The following ADK variants were observed in gnomAD, a reference collection of about 807,000 sequenced individuals.
ADK encodes the protein N6,N6-dimethyladenosine kinase.
ADK carries 24 observed loss-of-function variants against 44.7 expected under a neutral mutation model. The ratio of observed to expected loss-of-function variants is 0.54; its 90% confidence interval spans 0.39 to 0.76. ADK has a LOEUF of 0.76. Among genes scored for constraint, ADK ranks in the 30% least tolerant of loss-of-function variants. The pLI, the probability that ADK is intolerant of heterozygous loss-of-function variation, is 0.00. For synonymous variants in ADK, 128 were observed against 142.6 expected (o/e 0.90, Z 0.73); for missense variants, 321 against 425.1 (o/e 0.76, Z 2.15).
intron 6 of ADK, among the ~76,000 whole-genome samples, chr10:74,497,266 T>C (rs1460863079): frequency 3.9e-5 from 6 of 152,250 alleles, no homozygotes; most frequent in African/African-American, 1.4e-4. Context: ...TGTGGTACTT[T>C]TCCTTTTTTC....
intron 6 of ADK, among the ~76,000 whole-genome samples, chr10:74,522,941 A>G (rs1456775927): frequency 1.3e-5 from 2 of 152,002 alleles, no homozygotes; most frequent in Non-Finnish European, 2.9e-5. Context: ...TTAAAAGCAA[A>G]TCTCTTCTTT....
At chr10:74,594,684 A>C (rs1258814145) in intron 8 of ADK, among the ~76,000 whole-genome samples, 1 of 152,062 alleles carries the variant, frequency 6.6e-6, no homozygotes, top group Non-Finnish European at 1.5e-5. Flanking sequence ...AAAAAAAAAA[A>C]AAGAATGAAG....
chr10:74,356,128 C>T (rs1019864852), intron 4 of ADK, among the ~76,000 whole-genome samples: 2 of 148,804 alleles, frequency 1.3e-5, no homozygotes, highest in African/African-American at 5.0e-5. Flanking sequence ...ACGCCATTCT[C>T]CTGCCTCAGC....
At chr10:74,162,836 C>A (rs1417474468) in intron 1 of ADK, among the ~76,000 whole-genome samples, 1 of 152,122 alleles carries the variant, frequency 6.6e-6, no homozygotes, top group Non-Finnish European at 1.5e-5. Flanking sequence ...AGCTACCACG[C>A]CTGTCCCCAG....
chr10:74,513,111 G>A (rs1044520048), intron 6 of ADK, among the ~76,000 whole-genome samples: 2 of 152,006 alleles, frequency 1.3e-5, no homozygotes, highest in Non-Finnish European at 2.9e-5. Flanking sequence ...ACGCCATTGT[G>A]TTCAGATAAG....
chr10:74,440,572 A>G (rs1225143097), intron 6 of ADK, among the ~76,000 whole-genome samples: 3 of 152,160 alleles, frequency 2.0e-5, no homozygotes, highest in Non-Finnish European at 2.9e-5. Flanking sequence ...ATGATCTACC[A>G]TTATGTTCAT....
chr10:74,230,472 A>G (rs1412374057), intron 3 of ADK, among the ~76,000 whole-genome samples: 1 of 146,448 alleles, frequency 6.8e-6, no homozygotes, highest in Non-Finnish European at 1.5e-5. Context: ...CTAAGTATAT[A>G]GTCTTTTTTT....
At chr10:74,185,521 A>T (rs1039538605) in intron 1 of ADK, among the ~76,000 whole-genome samples, 8 of 144,808 alleles carry the variant, frequency 5.5e-5, no homozygotes, top group African/African-American at 1.3e-4. Flanking sequence ...CAACAATATA[A>T]TTTTTTTTTT....
chr10:74,670,916 A>C (rs2134198729), intron 10 of ADK, among the ~76,000 whole-genome samples: 1 of 152,134 alleles, frequency 6.6e-6, no homozygotes, highest in South Asian at 2.1e-4. Context: ...CTTCTAGTTA[A>C]GTGTAGTTAA....
chr10:74,612,099 G>A (rs1475305345), intron 9 of ADK, among the ~76,000 whole-genome samples: 3 of 152,056 alleles, frequency 2.0e-5, no homozygotes, highest in African/African-American at 7.2e-5. Context: ...CCAACAGTAT[G>A]TGTTTCCTTT....
intron 7 of ADK, among the ~76,000 whole-genome samples, chr10:74,562,973 G>C (rs1850514942): frequency 6.6e-6 from 1 of 152,038 alleles, no homozygotes; most frequent in Admixed American, 6.6e-5. Context: ...TTTTGGTTTG[G>C]TTTTCACTTA....
In ADK at chr10:74,483,744, G is replaced by A. The variant is rs563318115; in HGVS notation, c.556-41512G>A. On this transcript the variant is annotated intron_variant, in intron 6 of 10. Coordinates refer to ENST00000539909, the MANE Select transcript of ADK (RefSeq NM_006721.4). ...ATAAATCATCTCTCTCAAGTTCAAAGTTCCACATTTCCCTAAAGAAGGAGC... is the reference window on the plus strand; with the variant it reads ...ATAAATCATCTCTCTCAAGTTCAAAATTCCACATTTCCCTAAAGAAGGAGC... Among the ~76,000 whole-genome samples, 322 of 152,280 alleles carry A rather than the reference G, an allele frequency of 2.1e-3. 2 individuals carry two copies. Among genetic ancestry groups the A allele is most frequent in the African/African-American group, 7.3e-3 (302 of 41,548 alleles).
At chr10:74,388,186 C>T (rs1843210482) in intron 4 of ADK, among the ~76,000 whole-genome samples, 1 of 152,178 alleles carries the variant, frequency 6.6e-6, no homozygotes, top group African/African-American at 2.4e-5. Context: ...GGATTACAGG[C>T]GTGAGCCACT....
At chr10:74,644,624 C>T (rs1853993935) in intron 9 of ADK, among the ~76,000 whole-genome samples, 3 of 152,156 alleles carry the variant, frequency 2.0e-5, no homozygotes, top group South Asian at 4.1e-4. Flanking sequence ...ACCTCGAACT[C>T]CTGGGCTGGA....
At chr10:74,532,919 CAAAAAAAAAA>C (rs35774493) in intron 7 of ADK, among the ~76,000 whole-genome samples, 33 of 75,534 alleles carry the variant, frequency 4.4e-4, no homozygotes, top group South Asian at 2.0e-3. Context: ...GACTCTGTCT[CAAAAAAAAAA>C]AAAAAAAAAA....
At chr10:74,188,542 C>T (rs181777419) in intron 1 of ADK, among the ~76,000 whole-genome samples, 222 of 151,616 alleles carry the variant, frequency 1.5e-3, no homozygotes, top group African/African-American at 5.0e-3. Flanking sequence ...TTAGCAGAGA[C>T]GGGGTTTCAC....
In ADK at chr10:74,394,130, C is replaced by T; in HGVS notation, c.274-11C>T. 1.2e-6 allele frequency: 2 copies of T among 1,613,822 alleles called. No homozygotes were observed. Among genetic ancestry groups the T allele is most frequent in the Non-Finnish European group, 1.7e-6 (2 of 1,179,816 alleles). ...TTGCCCCATTAAATTATTTATGTTC[C>T]TGTTTTACAGTGGATGATTCAACAG... On this transcript the variant is annotated splice_polypyrimidine_tract_variant and intron_variant, in intron 4 of 10. Transcript: ENST00000539909.
chr10:74,169,258 A>G (rs956820873), intron 1 of ADK, among the ~76,000 whole-genome samples: 1 of 152,174 alleles, frequency 6.6e-6, no homozygotes, highest in African/African-American at 2.4e-5. Context: ...AAGGTTAGCA[A>G]CAAGCTTTTG....
At chr10:74,393,929 C>T (rs1460285502) in intron 4 of ADK, among the ~76,000 whole-genome samples, 1 of 152,116 alleles carries the variant, frequency 6.6e-6, no homozygotes, top group African/African-American at 2.4e-5. Context: ...ACTTTATGTA[C>T]TTTATTTCTC....
Sources: gnomAD v4.1 joint callset for allele counts (sites outside exome capture counted in the v4.1 genomes callset) on GRCh38, gnomAD v4.1.1 for gene constraint, MANE v1.5 for transcripts, NCBI Gene and HGNC (gene_info 2026-07-23, HGNC 2026-07-21) for gene names.